FAM120A: variants seen among roughly 807,000 people sequenced by gnomAD.
The protein encoded by FAM120A is constitutive coactivator of PPAR-gamma-like protein 1.
Under a neutral mutation model 109.7 loss-of-function variants are expected in FAM120A, and 15 were observed. The ratio of observed to expected loss-of-function variants is 0.14; its 90% confidence interval spans 0.09 to 0.21. The LOEUF (loss-of-function observed/expected upper bound fraction) is 0.21, where lower values mean the gene tolerates loss of function less well. Ranked by LOEUF, FAM120A falls within the 10% of genes least tolerant of loss-of-function variation. The pLI, the probability that FAM120A is intolerant of heterozygous loss-of-function variation, is 1.00. For synonymous variants in FAM120A, 493 were observed against 572.8 expected, an observed-to-expected ratio of 0.86 and a Z score of 1.99; for missense variants, 899 against 1,439.3, an observed-to-expected ratio of 0.62 and a Z score of 6.07.
chr9:93,480,815 T>C (rs1385761898), intron 3 of FAM120A, among the ~76,000 whole-genome samples: 1 of 152,222 alleles, frequency 6.6e-6, no homozygotes, highest in Non-Finnish European at 1.5e-5. Context: ...TGATTGTATT[T>C]ACAGTAATGA....
At chr9:93,453,340 C>T (rs1280145951) in intron 1 of FAM120A, 2 of 985,652 alleles carry the variant, frequency 2.0e-6, no homozygotes, top group Non-Finnish European at 2.4e-6. Flanking sequence ...CTTCAGGACC[C>T]AGCAGTGACT....
intron 1 of FAM120A, among the ~76,000 whole-genome samples, chr9:93,468,070 G>T (rs923735173): frequency 2.0e-5 from 3 of 151,986 alleles, no homozygotes; most frequent in African/African-American, 4.8e-5. Flanking sequence ...TTTTAGTAGA[G>T]TCGGGGTTTC....
intron 5 of FAM120A, among the ~76,000 whole-genome samples, chr9:93,503,827 T>C (rs759584185): frequency 6.7e-6 from 1 of 148,370 alleles, no homozygotes; most frequent in Non-Finnish European, 1.5e-5. Context: ...TTGAAACTGC[T>C]CAAAAAAAAA....
chr9:93,527,315 T>A, intron 8 of FAM120A, 73 bp downstream of exon 8: 2 of 1,048,822 alleles, frequency 1.9e-6, no homozygotes, highest in East Asian at 2.4e-5. Context: ...AGTGATCAAA[T>A]AGTGAAAAAT....
chr9:93,458,767 C>A (rs991994288), intron 1 of FAM120A, among the ~76,000 whole-genome samples: 2 of 152,160 alleles, frequency 1.3e-5, no homozygotes, highest in South Asian at 2.1e-4. Flanking sequence ...TCTGCACCTA[C>A]CCCCGCGCCC....
intron 10 of FAM120A, 22 bp from the exon 11 acceptor site, chr9:93,543,198 TTC>T (rs1861765128): frequency 6.2e-7 from 1 of 1,609,364 alleles, no homozygotes; most frequent in African/African-American, 1.3e-5. Flanking sequence ...TGAATGTGTC[TTC>T]TCTGGCTTTT....
intron 1 of FAM120A, among the ~76,000 whole-genome samples, chr9:93,455,486 A>T (rs1039879716): frequency 3.9e-5 from 6 of 152,204 alleles, no homozygotes; most frequent in African/African-American, 1.4e-4. Context: ...ATTTTATCAT[A>T]TGATAATTTT....
intron 5 of FAM120A, among the ~76,000 whole-genome samples, chr9:93,509,272 T>C (rs1860206854): frequency 6.6e-6 from 1 of 152,184 alleles, no homozygotes; most frequent in Admixed American, 6.5e-5. Context: ...CCTGTCCTGT[T>C]GTGGTCAGGG....
At position 93,498,741 on chromosome 9, in the gene FAM120A, A is replaced by G. The variant is rs771433603; in HGVS notation, c.934-49A>G. 2.9e-6 allele frequency: 3 copies of G among 1,024,356 alleles called. No homozygotes were observed. Among genetic ancestry groups the G allele is most frequent in the Non-Finnish European group, 4.7e-6 (3 of 642,692 alleles). The allele number at this position is 1,024,356 out of a possible 1,614,324, so 63.5% of individuals were successfully genotyped here. A position where few individuals can be genotyped will look rare whatever the true frequency, so the allele number is the denominator to read the frequency against. Reference sequence around the variant, plus strand: ...AATTATAAAAAACATTGTGATACACATGACCAGTGGCACACTAATTTATGA... The same window carrying G: ...AATTATAAAAAACATTGTGATACACGTGACCAGTGGCACACTAATTTATGA... On this transcript the variant is annotated intron_variant, in intron 4 of 17. Transcript: ENST00000277165. This position sits in a 1 kb window ranked among gnomAD's most constrained non-coding sequence, Gnocchi z 4.4.
chr9:93,491,049 G>A (rs1039115638), intron 3 of FAM120A, among the ~76,000 whole-genome samples: 1 of 152,186 alleles, frequency 6.6e-6, no homozygotes, highest in Non-Finnish European at 1.5e-5. Context: ...CATACTGCTT[G>A]TTCTGAAAGT....
intron 10 of FAM120A, among the ~76,000 whole-genome samples, chr9:93,535,202 G>T (rs149070478): frequency 7.4e-4 from 113 of 152,260 alleles, no homozygotes; most frequent in African/African-American, 2.6e-3. Context: ...GTTGTGTGAG[G>T]GTGTGCGTAA....
intron 2 of FAM120A, among the ~76,000 whole-genome samples, chr9:93,472,725 C>G (rs1208767995): frequency 1.3e-5 from 2 of 152,194 alleles, no homozygotes; most frequent in Non-Finnish European, 2.9e-5. Flanking sequence ...TGTAAGGAGT[C>G]ACAATTTATT....
At chr9:93,526,341 A>G (rs1174391940) in intron 7 of FAM120A, among the ~76,000 whole-genome samples, 1 of 152,208 alleles carries the variant, frequency 6.6e-6, no homozygotes. Context: ...ACTTTAGGAA[A>G]TAATGCTTAT....
intron 1 of FAM120A, among the ~76,000 whole-genome samples, chr9:93,465,387 T>G (rs1588785312): frequency 6.6e-6 from 1 of 152,212 alleles, no homozygotes; most frequent in Non-Finnish European, 1.5e-5. Context: ...TTCCATACTT[T>G]GTAGGTTTTC....
chr9:93,476,876 C>T (rs73651232), intron 3 of FAM120A, among the ~76,000 whole-genome samples: 8,870 of 152,162 alleles, frequency 0.058, 367 homozygotes, highest in African/African-American at 0.11. Flanking sequence ...TAGTAATAAA[C>T]ATCAGAGATG....
At chr9:93,524,930 C>G (rs1861009273) in intron 7 of FAM120A, among the ~76,000 whole-genome samples, 1 of 151,966 alleles carries the variant, frequency 6.6e-6, no homozygotes, top group Non-Finnish European at 1.5e-5. Context: ...GTACATGGTT[C>G]CAGGTATCAG....
At chr9:93,497,301 G>A (rs370858984) in intron 3 of FAM120A, among the ~76,000 whole-genome samples, 170 bp from the exon 4 acceptor site, 43 of 152,334 alleles carry the variant, frequency 2.8e-4, no homozygotes, top group African/African-American at 1.0e-3. Flanking sequence ...GCTTCAGAAC[G>A]TGAACGGCTT....
chr9:93,498,356 G>A lies in FAM120A; in HGVS notation c.934-434G>A, dbSNP rs147319512. On this transcript the variant is annotated intron_variant, in intron 4 of 17. Coordinates refer to ENST00000277165, the MANE Select transcript of FAM120A (RefSeq NM_014612.5). This position sits in a 1 kb window ranked among gnomAD's most constrained non-coding sequence, Gnocchi z 4.4. ...TGCAGTGAGCGGAGATCATGCCACC[G>A]CACTCCAGCCTGGGTGAAAGAGCGA... Among the ~76,000 whole-genome samples the A allele has an allele frequency of 1.6e-4, 24 of 152,278 alleles. No individual in the cohort carries two copies. Among genetic ancestry groups the A allele is most frequent in the African/African-American group, 5.3e-4 (22 of 41,558 alleles).
At chr9:93,480,710 A>G (rs752061705) in intron 3 of FAM120A, among the ~76,000 whole-genome samples, 17 of 152,146 alleles carry the variant, frequency 1.1e-4, no homozygotes, top group Non-Finnish European at 2.4e-4. Flanking sequence ...TCCAATGGCA[A>G]TATTTCTTAA....
Sources: allele counts gnomAD v4.1 joint callset (sites outside exome capture counted in the v4.1 genomes callset), GRCh38; gene constraint gnomAD v4.1.1; non-coding constraint Gnocchi (gnomAD v3.1); transcripts MANE v1.5; gene names NCBI Gene and HGNC (gene_info 2026-07-23, HGNC 2026-07-21).